Variants in CACNG5 observed in about 807,000 individuals in gnomAD.
CACNG5 encodes calcium voltage-gated channel auxiliary subunit gamma 5.
In CACNG5, 18 loss-of-function variants were observed where a neutral mutation model predicts 24.8. The ratio of observed to expected loss-of-function variants is 0.73; its 90% CI spans 0.50 to 1.08. CACNG5 has a LOEUF of 1.08. CACNG5 is among the 50% of genes least tolerant of loss of function. CACNG5 has a pLI of 0.00. For synonymous variants in CACNG5, 157 were observed against 149.1 expected (o/e 1.05, Z -0.39); for missense variants, 349 against 367.9 (o/e 0.95, Z 0.42).
In CACNG5 at chr17:66,886,447, C is replaced by G. The variant is rs1836377991; in HGVS notation, c.*1207C>G. ...TGACACCCATTCTTCTGGTGGGAAA[C>G]CGGAGCCAGGAGGGTTTCAATTACC... On this transcript the variant is annotated 3_prime_UTR_variant, in exon 6 of 6. Coordinates refer to ENST00000533854, the MANE Select transcript of CACNG5 (RefSeq NM_145811.3). 6.6e-6 allele frequency among the ~76,000 whole-genome samples: 1 copy of G among 152,202 alleles called. No homozygotes were observed. Among genetic ancestry groups the G allele is most frequent in the African/African-American group, 2.4e-5 (1 of 41,450 alleles).
chr17:66,860,786 A>G (rs1976843537), intron 1 of CACNG5, among the ~76,000 whole-genome samples: 1 of 152,224 alleles, frequency 6.6e-6, no homozygotes, highest in East Asian at 1.9e-4. Flanking sequence ...CATGTGGCCC[A>G]GGACAGCTTT....
rs1255360274 is a variant in CACNG5, at chr17:66,877,282, T to G, written c.-51T>G. The G allele has an allele frequency of 1.6e-5, 25 of 1,519,026 alleles. No individual in the cohort carries two copies. Among genetic ancestry groups the G allele is most frequent in the Non-Finnish European group, 2.3e-5 (25 of 1,103,988 alleles). 94.1% of individuals were successfully genotyped at this position (1,519,026 alleles called of 1,614,324 possible). A position where few individuals can be genotyped will look rare whatever the true frequency, so the allele number is the denominator to read the frequency against. On this transcript the variant is annotated 5_prime_UTR_variant, in exon 2 of 6. Coordinates refer to ENST00000533854, the MANE Select transcript of CACNG5 (RefSeq NM_145811.3). ...CACTCTCCCTAGCCCCAGAGCGCAG[T>G]CCGTGCTGGTGGGAGCGTGGCGACT...
At chr17:66,882,960 CATCCATCCATCCATCA>C (rs1426304086) in intron 4 of CACNG5, among the ~76,000 whole-genome samples, 8 of 151,610 alleles carry the variant, frequency 5.3e-5, no homozygotes, top group African/African-American at 1.2e-4. Flanking sequence ...TCCATCCATC[CATCCATCCATCCATCA>C]ATCCATCCAT....
intron 4 of CACNG5, 36 bp downstream of exon 4, chr17:66,880,733 ATTTTTTG>A (rs759064466): frequency 3.9e-5 from 62 of 1,603,862 alleles, no homozygotes; most frequent in African/African-American, 1.5e-4. Flanking sequence ...GCACCCTGGA[ATTTTTTG>A]TTTTTTGTTT....
chr17:66,880,808 C>G (rs1977149146), intron 4 of CACNG5, 111 bp downstream of exon 4: 1 of 1,167,750 alleles, frequency 8.6e-7, no homozygotes, highest in Non-Finnish European at 1.2e-6. Flanking sequence ...GTGGCACGAT[C>G]TTGGCTCACT....
rs1456818828 is a variant in CACNG5, at chr17:66,887,379, C to T, written c.*2139C>T. Among the ~76,000 whole-genome samples, 1 of 135,866 alleles carries T rather than the reference C, an allele frequency of 7.4e-6. No homozygotes were observed. Among genetic ancestry groups the T allele is most frequent in the South Asian group, 2.5e-4 (1 of 4,024 alleles). The allele number at this position is 135,866 out of a possible 152,430, so 89.1% of individuals were successfully genotyped here. On this transcript the variant is annotated 3_prime_UTR_variant, in exon 6 of 6. Coordinates refer to ENST00000533854, the MANE Select transcript of CACNG5 (RefSeq NM_145811.3). ...TTGCTTTTGTATGTGACTTTTCAAT[C>T]CTTGCCTATAAACTGATAGCAACTG...
At position 66,894,746 on chromosome 17, in the gene CACNG5, A is replaced by T. The variant is rs1977389261; in HGVS notation, c.*9506A>T. Among the ~76,000 whole-genome samples, 2 of 152,128 alleles carry T rather than the reference A, an allele frequency of 1.3e-5. No individual in the cohort carries two copies. The highest frequency in any genetic ancestry group is 2.9e-5 in the Non-Finnish European group (2 of 68,034). On this transcript the variant is annotated 3_prime_UTR_variant, in exon 6 of 6. Coordinates refer to ENST00000533854, the MANE Select transcript of CACNG5 (RefSeq NM_145811.3). The stretch of plus-strand genomic sequence containing the variant: ...TTTTAATTTAAATAAAGGGTACTGC[A>T]TTATATATGCATCTCTCTTTCTCAC...
rs1420676092 is a variant in CACNG5, at chr17:66,885,479, G to A, written c.*239G>A. 4.2e-5 allele frequency: 22 copies of A among 519,996 alleles called. No homozygotes were observed. The highest frequency in any genetic ancestry group is 3.9e-4 in the South Asian group (11 of 28,498). 32.2% of individuals were successfully genotyped at this position (519,996 alleles called of 1,614,324 possible). ...TGTCTGGGAACATGGGAGAAGCCCC[G>A]CCCATGTGAGTGCCAATCACAGCAG... On this transcript the variant is annotated 3_prime_UTR_variant, in exon 6 of 6. Transcript: ENST00000533854.
At chr17:66,853,091 T>A (rs572054333) in intron 1 of CACNG5, among the ~76,000 whole-genome samples, 2 of 152,276 alleles carry the variant, frequency 1.3e-5, no homozygotes, top group South Asian at 4.2e-4. Context: ...CTTCCCAAAG[T>A]GCTGGGATTA....
intron 1 of CACNG5, among the ~76,000 whole-genome samples, chr17:66,837,229 G>T (rs1598040925): frequency 6.6e-6 from 1 of 152,208 alleles, no homozygotes; most frequent in African/African-American, 2.4e-5. Flanking sequence ...GAGGGAAGTG[G>T]CTGTGTAGCT....
At chr17:66,881,254 C>T (rs1473946040) in intron 4 of CACNG5, among the ~76,000 whole-genome samples, 2 of 152,206 alleles carry the variant, frequency 1.3e-5, no homozygotes, top group East Asian at 3.8e-4. Flanking sequence ...GATTGGAACC[C>T]AGGGTTCCTT....
intron 1 of CACNG5, among the ~76,000 whole-genome samples, chr17:66,863,726 T>G (rs969421805): frequency 1.3e-5 from 2 of 152,214 alleles, no homozygotes; most frequent in Non-Finnish European, 2.9e-5. Context: ...TTCTCTTCTC[T>G]TCTGCATTTC....
intron 4 of CACNG5, among the ~76,000 whole-genome samples, chr17:66,882,319 T>C (rs1164388853): frequency 1.3e-5 from 2 of 151,764 alleles, no homozygotes; most frequent in African/African-American, 4.8e-5. Context: ...AGCTCATGAG[T>C]TTAGTGTGGG....
chr17:66,848,557 A>T (rs1976668028), intron 1 of CACNG5, among the ~76,000 whole-genome samples: 2 of 152,194 alleles, frequency 1.3e-5, no homozygotes, highest in Admixed American at 6.5e-5. Flanking sequence ...GATTCAGACT[A>T]AAGTGTTACT....
At chr17:66,868,309 G>A (rs1236251427) in intron 1 of CACNG5, among the ~76,000 whole-genome samples, 2 of 152,204 alleles carry the variant, frequency 1.3e-5, no homozygotes, top group Non-Finnish European at 2.9e-5. Context: ...TGGCAGGGGT[G>A]TGCCAGAGCT....
At chr17:66,878,641 G>A (rs1168873090) in intron 2 of CACNG5, among the ~76,000 whole-genome samples, 2 of 152,186 alleles carry the variant, frequency 1.3e-5, no homozygotes, top group African/African-American at 4.8e-5. Context: ...ACCATTGTCA[G>A]CCCCATCTGG....
rs755009772 is a variant in CACNG5, at chr17:66,879,008, T to C, written c.233T>C (p.Val78Ala). 6 of 1,613,774 alleles carry C rather than the reference T, an allele frequency of 3.7e-6. No individual in the cohort carries two copies. The highest frequency in any genetic ancestry group is 2.7e-5 in the African/African-American group (2 of 74,912). Residue 78 changes from valine to alanine, a missense_variant, in exon 3 of 6, where the codon GTG becomes GCG. Physicochemically the swap from Val to Ala is moderately conservative, Grantham distance 64 (BLOSUM62 0). Transcript: ENST00000533854. Reference protein sequence around the residue: ...ERGRCFTIEYVMPMNTQLTSE... With the variant: ...ERGRCFTIEYAMPMNTQLTSE... ...GGGCGTTGCTTCACCATAGAATATG[T>C]GATGCCCATGAACACCCAGCTGACA...
rs1156664069 is a variant in CACNG5 at position 66,890,789 on chromosome 17, T to C, written c.*5549T>C. The stretch of plus-strand genomic sequence containing the variant: ...GATAAAATCACCTCATCAGGCTCTA[T>C]CCCCAGACTCTATACCCAACTCTAG... On this transcript the variant is annotated 3_prime_UTR_variant, in exon 6 of 6. Coordinates refer to ENST00000533854, the MANE Select transcript of CACNG5 (RefSeq NM_145811.3). Among the ~76,000 whole-genome samples the C allele has an allele frequency of 6.6e-6, 1 of 151,886 alleles. No homozygotes were observed. The highest frequency in any genetic ancestry group is 2.4e-5 in the African/African-American group (1 of 41,332).
rs570885534 is a variant in CACNG5 at position 66,885,469 on chromosome 17, G to A, written c.*229G>A. 9.2e-6 allele frequency: 5 copies of A among 544,672 alleles called. No individual in the cohort carries two copies. In the Admixed American group the frequency reaches 1.0e-4, roughly 11 times the overall value. 33.7% of individuals were successfully genotyped at this position (544,672 alleles called of 1,614,324 possible). A position where few individuals can be genotyped will look rare whatever the true frequency, so the allele number is the denominator to read the frequency against. On this transcript the variant is annotated 3_prime_UTR_variant, in exon 6 of 6. Coordinates refer to ENST00000533854, the MANE Select transcript of CACNG5 (RefSeq NM_145811.3). ...GCAAGCTGATTGTCTGGGAACATGG[G>A]AGAAGCCCCGCCCATGTGAGTGCCA...
Sources: gnomAD v4.1 joint callset for allele counts (sites outside exome capture counted in the v4.1 genomes callset) on GRCh38, gnomAD v4.1.1 for gene constraint, MANE v1.5 for transcripts, NCBI Gene and HGNC (gene_info 2026-07-23, HGNC 2026-07-21) for gene names.